The following DOK6 variants were observed in gnomAD, a reference collection of about 807,000 sequenced individuals.
DOK6 encodes docking protein 6, also known as downstream of tyrosine kinase 6.
A neutral mutation model predicts 44.0 loss-of-function variants in DOK6; 22 were observed. The ratio of observed to expected loss-of-function variants is 0.50; its 90% confidence interval spans 0.36 to 0.71. The LOEUF (loss-of-function observed/expected upper bound fraction) is 0.71, where lower values mean the gene tolerates loss of function less well. Ranked by LOEUF, DOK6 falls within the 30% of genes least tolerant of loss-of-function variation. The pLI is 0.00. For missense variants in DOK6, 340 were observed against 416.4 expected (o/e 0.82, Z 1.60); for synonymous variants, 166 against 145.5 (o/e 1.14, Z -1.01).
chr18:69,579,949 T>G lies in DOK6; in HGVS notation c.174+15355T>G, dbSNP rs999406356. On this transcript the variant is annotated intron_variant, in intron 2 of 7. Transcript: ENST00000382713. ...GAAGTCAATTTTTTTAATGTTTCAT[T>G]GCAGTTCCATCTTCCAAGCAAACTG... is the stretch of plus-strand genomic sequence containing the variant. 2.6e-5 allele frequency among the ~76,000 whole-genome samples: 4 copies of G among 152,130 alleles called. No homozygotes were observed. In the South Asian group the frequency reaches 6.2e-4, roughly 24 times the overall value.
chr18:69,585,958 T>A (rs1482745328), intron 2 of DOK6, among the ~76,000 whole-genome samples: 1 of 152,222 alleles, frequency 6.6e-6, no homozygotes, highest in Non-Finnish European at 1.5e-5. Context: ...TTTAAGGCAA[T>A]GATCTCTCAA....
intron 3 of DOK6, among the ~76,000 whole-genome samples, chr18:69,605,694 T>C (rs1253559127): frequency 6.6e-6 from 1 of 152,110 alleles, no homozygotes; most frequent in African/African-American, 2.4e-5. Context: ...TTCAAAGACA[T>C]TCATGATAAA....
rs981941632 is a variant in DOK6, at chr18:69,698,687, C to T, written c.599+94C>T. ...AAAGAGAGTGCTGTCCATCATTGCC[C>T]CCAGTGAGCACTGTTTTCATTCAGG... On this transcript the variant is annotated intron_variant, in intron 5 of 7. Transcript: ENST00000382713. 35 of 1,257,858 alleles carry T rather than the reference C, an allele frequency of 2.8e-5. No individual in the cohort carries two copies. The South Asian group carries it at 5.3e-4, about 19-fold the overall frequency. The allele number at this position is 1,257,858 out of a possible 1,614,324, so 77.9% of individuals were successfully genotyped here.
At chr18:69,408,200 A>G (rs779026779) in intron 1 of DOK6, among the ~76,000 whole-genome samples, 1 of 152,188 alleles carries the variant, frequency 6.6e-6, no homozygotes, top group Non-Finnish European at 1.5e-5. Flanking sequence ...GACAAGTTCA[A>G]CACAGTCATG....
intron 1 of DOK6, among the ~76,000 whole-genome samples, chr18:69,422,626 T>C (rs774423524): frequency 2.0e-5 from 3 of 152,134 alleles, no homozygotes; most frequent in Non-Finnish European, 2.9e-5. Flanking sequence ...TGCCTCAGAA[T>C]GTCTCTACCT....
intron 3 of DOK6, among the ~76,000 whole-genome samples, chr18:69,623,368 G>T (rs529169766): frequency 6.1e-4 from 93 of 152,120 alleles, no homozygotes; most frequent in African/African-American, 1.9e-3. Flanking sequence ...TATGTTAATT[G>T]TTTGTGGATA....
At chr18:69,494,304 C>T (rs1202114651) in intron 1 of DOK6, among the ~76,000 whole-genome samples, 6 of 152,050 alleles carry the variant, frequency 3.9e-5, no homozygotes, top group South Asian at 2.1e-4. Context: ...GGTGAAACTC[C>T]ATCTCTACTA....
At chr18:69,531,568 A>G (rs1024808204) in intron 1 of DOK6, among the ~76,000 whole-genome samples, 1 of 151,784 alleles carries the variant, frequency 6.6e-6, no homozygotes, top group Non-Finnish European at 1.5e-5. Context: ...AGCCAAAGCC[A>G]CCTCTTATGA....
At chr18:69,792,919 T>C (rs1980641439) in intron 7 of DOK6, among the ~76,000 whole-genome samples, 1 of 152,134 alleles carries the variant, frequency 6.6e-6, no homozygotes, top group African/African-American at 2.4e-5. Context: ...CATTGAAAAT[T>C]AGTAATGATC....
chr18:69,402,462 T>C (rs1916121725), intron 1 of DOK6, among the ~76,000 whole-genome samples: 1 of 151,718 alleles, frequency 6.6e-6, no homozygotes, highest in Non-Finnish European at 1.5e-5. Flanking sequence ...TGTTAGAGAG[T>C]GGAAGAAAGA....
chr18:69,785,141 T>C (rs1980392405), intron 7 of DOK6, among the ~76,000 whole-genome samples: 1 of 152,224 alleles, frequency 6.6e-6, no homozygotes, highest in African/African-American at 2.4e-5. Context: ...TCAGAACTTT[T>C]ATGTGTGTAA....
intron 6 of DOK6, among the ~76,000 whole-genome samples, chr18:69,755,076 G>A (rs1401390258): frequency 6.6e-6 from 1 of 152,142 alleles, no homozygotes; most frequent in African/African-American, 2.4e-5. Context: ...AATTATGGAA[G>A]TAGAATAAGG....
intron 1 of DOK6, among the ~76,000 whole-genome samples, chr18:69,461,794 T>G (rs1487761299): frequency 6.6e-6 from 1 of 152,230 alleles, no homozygotes; most frequent in Non-Finnish European, 1.5e-5. Context: ...ACATGTGTCT[T>G]AAGAATTTGA....
chr18:69,427,730 T>C lies in DOK6; in HGVS notation c.66+26420T>C, dbSNP rs113806530. Reference sequence around the variant, plus strand: ...TAAATGCCCATCAATGATAGACTGATTAAAGAAAATAAAGAAAATGTGGTA... The same window carrying C: ...TAAATGCCCATCAATGATAGACTGACTAAAGAAAATAAAGAAAATGTGGTA... On this transcript the variant is annotated intron_variant, in intron 1 of 7. Transcript: ENST00000382713. Among the ~76,000 whole-genome samples the C allele has an allele frequency of 1.0e-3, 152 of 151,638 alleles. 1 individual carries two copies. Among genetic ancestry groups the C allele is most frequent in the African/African-American group, 3.5e-3 (144 of 41,358 alleles).
intron 3 of DOK6, among the ~76,000 whole-genome samples, chr18:69,641,401 C>T (rs1222091523): frequency 6.6e-6 from 1 of 152,024 alleles, no homozygotes; most frequent in Non-Finnish European, 1.5e-5. Flanking sequence ...ATGCCAGTTG[C>T]TTACAAAACC....
intron 3 of DOK6, among the ~76,000 whole-genome samples, chr18:69,659,473 T>A (rs1260131435): frequency 6.6e-6 from 1 of 152,194 alleles, no homozygotes; most frequent in African/African-American, 2.4e-5. Context: ...TCTGTTTGTA[T>A]TTAGGAATTA....
At chr18:69,483,973 T>G (rs1486287526) in intron 1 of DOK6, among the ~76,000 whole-genome samples, 1 of 152,072 alleles carries the variant, frequency 6.6e-6, no homozygotes, top group Non-Finnish European at 1.5e-5. Flanking sequence ...TATTTTTATT[T>G]TTTAAATTAG....
At chr18:69,584,666 A>G (rs1354501206) in intron 2 of DOK6, among the ~76,000 whole-genome samples, 1 of 151,904 alleles carries the variant, frequency 6.6e-6, no homozygotes, top group Admixed American at 6.6e-5. Flanking sequence ...TTTCTGGACT[A>G]TCTTAGAGAA....
chr18:69,808,708 A>G (rs1981127853), intron 7 of DOK6, among the ~76,000 whole-genome samples: 1 of 151,834 alleles, frequency 6.6e-6, no homozygotes, highest in African/African-American at 2.4e-5. Flanking sequence ...AAAAATTCCT[A>G]AACATATACA....
Sources: allele counts gnomAD v4.1 joint callset (sites outside exome capture counted in the v4.1 genomes callset), GRCh38; gene constraint gnomAD v4.1.1; transcripts MANE v1.5; gene names NCBI Gene and HGNC (gene_info 2026-07-23, HGNC 2026-07-21).